C11orf52: variants seen among roughly 807,000 people sequenced by gnomAD.
C11orf52 encodes uncharacterized protein C11orf52.
Under a neutral mutation model 11.7 loss-of-function variants are expected in C11orf52, and 9 were observed. The observed-to-expected ratio is 0.77, with a 90% CI of 0.46 to 1.34. The LOEUF (loss-of-function observed/expected upper bound fraction) is 1.34. Ranked by LOEUF, C11orf52 falls within the 40% of genes most tolerant of loss-of-function variation. C11orf52 has a pLI of 0.00. For missense variants in C11orf52, 139 were observed against 154.8 expected, an observed-to-expected ratio of 0.90 and a Z score of 0.54; for synonymous variants, 49 against 57.4, an observed-to-expected ratio of 0.85 and a Z score of 0.66.
At chr11:111,919,157 C>G (rs917935753) in intron 1 of C11orf52, 153 bp downstream of exon 1, 16 of 860,150 alleles carry the variant, frequency 1.9e-5, no homozygotes, top group Non-Finnish European at 2.4e-5. Context: ...CAGAGCAGCA[C>G]CTCCTTTCAG....
chr11:111,924,530 C>T (rs782615174), intron 2 of C11orf52, among the ~76,000 whole-genome samples, 167 bp downstream of exon 2: 2 of 152,210 alleles, frequency 1.3e-5, no homozygotes. Context: ...TTCTGAACCT[C>T]TGGATCTTAT....
Position 111,924,287 on chromosome 11 carries a change from G to A in C11orf52, c.33-39G>A, listed in dbSNP as rs782592392. The A allele has an allele frequency of 3.1e-6, 5 of 1,604,360 alleles. No individual in the cohort carries two copies. In the Admixed American group the frequency reaches 6.7e-5, roughly 22 times the overall value. ...GATGATGGAGGGAAGGCAGAGGCCAGGGCTCTTGCACATGGGTGATCTGTT... is the reference window on the plus strand; with the variant it reads ...GATGATGGAGGGAAGGCAGAGGCCAAGGCTCTTGCACATGGGTGATCTGTT... On this transcript the variant is annotated intron_variant, in intron 1 of 3. Coordinates refer to ENST00000278601, the MANE Select transcript of C11orf52 (RefSeq NM_080659.3).
At chr11:111,924,198 T>G in intron 1 of C11orf52, 128 bp from the exon 2 acceptor site, 1 of 852,196 alleles carries the variant, frequency 1.2e-6, no homozygotes, top group Non-Finnish European at 1.9e-6. Flanking sequence ...TGGCTCAGGG[T>G]GAATCTTTGT....
intron 1 of C11orf52, among the ~76,000 whole-genome samples, chr11:111,919,980 G>A (rs895398725): frequency 6.6e-6 from 1 of 151,928 alleles, no homozygotes; most frequent in African/African-American, 2.4e-5. Flanking sequence ...TGGATCACGA[G>A]GTCAGGAGAT....
In C11orf52 at chr11:111,925,975, G is replaced by C. The variant is rs201067931; in HGVS notation, c.148G>C (p.Gly50Arg). The C allele has an allele frequency of 6.2e-7, 1 of 1,614,238 alleles. No homozygotes were observed. Among genetic ancestry groups the C allele is most frequent in the Non-Finnish European group, 8.5e-7 (1 of 1,180,048 alleles). ...QNLPKGHETT[G>R]HTYERVLQQQ... ...TTCCTCGCAGGGCCATGAAACAACA[G>C]GACATACGTATGAACGGGTGTTACA... The change falls in exon 4 of 4, where the codon GGA (glycine) becomes CGA (arginine). Residue 50 changes from glycine (G) to arginine (R), a missense_variant. Physicochemically the swap from Gly to Arg is moderately radical, Grantham distance 125. Coordinates refer to ENST00000278601, the MANE Select transcript of C11orf52 (RefSeq NM_080659.3).
chr11:111,925,413 T>TG (rs11384304), intron 2 of C11orf52, among the ~76,000 whole-genome samples: 74,632 of 151,928 alleles, frequency 0.49, 20,826 homozygotes, highest in African/African-American at 0.77. Flanking sequence ...CTTGTTGAAC[T>TG]TGTTAGGGGC....
At chr11:111,923,062 T>C (rs1965725860) in intron 1 of C11orf52, among the ~76,000 whole-genome samples, 1 of 152,232 alleles carries the variant, frequency 6.6e-6, no homozygotes. Context: ...CCCTAGTCTA[T>C]GTATTTTAGG....
intron 1 of C11orf52, among the ~76,000 whole-genome samples, chr11:111,924,069 T>C (rs927570686): frequency 2.0e-5 from 3 of 152,242 alleles, no homozygotes; most frequent in Non-Finnish European, 4.4e-5. Flanking sequence ...TGGCATGTAG[T>C]GCCTGGTTGC....
chr11:111,926,254 C>T lies in C11orf52; in HGVS notation c.*55C>T. The T allele has an allele frequency of 6.3e-7, 1 of 1,597,328 alleles. No homozygotes were observed. The highest frequency in any genetic ancestry group is 2.2e-5 in the East Asian group (1 of 44,564). On this transcript the variant is annotated 3_prime_UTR_variant, in exon 4 of 4. Transcript: ENST00000278601. ...TAACCACTACACCTGTGGGGGAGAA[C>T]CTACTGCTTTGGGGAATTGGGTGGC...
In C11orf52 at chr11:111,922,952, C is replaced by T. The variant is rs1037730311; in HGVS notation, c.33-1374C>T. On this transcript the variant is annotated intron_variant, in intron 1 of 3. Coordinates refer to ENST00000278601, the MANE Select transcript of C11orf52 (RefSeq NM_080659.3). ...CTTAAATCTAAAAATAAAATCCCATCGCCTGTGTATCTAAATGAATACTCA... is the reference window on the plus strand; with the variant it reads ...CTTAAATCTAAAAATAAAATCCCATTGCCTGTGTATCTAAATGAATACTCA... Among the ~76,000 whole-genome samples the T allele has an allele frequency of 5.9e-5, 9 of 152,274 alleles. No individual in the cohort carries two copies. The East Asian group carries it at 1.7e-3, about 29-fold the overall frequency.
rs748322396 is a variant in C11orf52, at chr11:111,924,213, G to T, written c.33-113G>T. On this transcript the variant is annotated intron_variant, in intron 1 of 3. Coordinates refer to ENST00000278601, the MANE Select transcript of C11orf52 (RefSeq NM_080659.3). ...TGGCTCAGGGTGAATCTTTGTTAGA[G>T]GGAGGTAGGGGAAGCTCATCAGAAT... 1.0e-3 allele frequency: 989 copies of T among 977,654 alleles called. 7 individuals carry two copies. Among genetic ancestry groups the T allele is most frequent in the Non-Finnish European group, 1.2e-3 (782 of 639,174 alleles). 60.6% of individuals were successfully genotyped at this position (977,654 alleles called of 1,614,324 possible).
chr11:111,920,022 C>T (rs1379074716), intron 1 of C11orf52, among the ~76,000 whole-genome samples: 3 of 151,852 alleles, frequency 2.0e-5, no homozygotes, highest in Non-Finnish European at 4.4e-5. Flanking sequence ...GGTGAAACCC[C>T]ATCTCTACTG....
In C11orf52 at chr11:111,926,526, AAGTT is replaced by A. The variant is rs782694309; in HGVS notation, c.*330_*333del. On this transcript the variant is annotated 3_prime_UTR_variant, in exon 4 of 4. Coordinates refer to ENST00000278601, the MANE Select transcript of C11orf52 (RefSeq NM_080659.3). Reference sequence around the variant, plus strand: ...GCAAAGTGCAGAAAGAGCAGGTAAAAAGTTAGCCCATAAGCACGTGGGCTGATCT... The same window carrying A: ...GCAAAGTGCAGAAAGAGCAGGTAAAAAGCCCATAAGCACGTGGGCTGATCT... 10 of 364,054 alleles carry A rather than the reference AAGTT, an allele frequency of 2.7e-5. No homozygotes were observed. Among genetic ancestry groups the A allele is most frequent in the Non-Finnish European group, 5.1e-5 (10 of 196,244 alleles). The allele number at this position is 364,054 out of a possible 1,614,324, so 22.6% of individuals were successfully genotyped here.
intron 2 of C11orf52, 76 bp downstream of exon 2, chr11:111,924,439 G>A: frequency 7.8e-7 from 1 of 1,281,404 alleles, no homozygotes; most frequent in Admixed American, 1.8e-5. Context: ...CTTTGGAAAG[G>A]GCAGAAGGGT....
chr11:111,919,085 A>T (rs1965645046), intron 1 of C11orf52, 81 bp downstream of exon 1: 1 of 1,519,252 alleles, frequency 6.6e-7, no homozygotes, highest in African/African-American at 1.4e-5. Flanking sequence ...GGACCTGGAG[A>T]TAGTTGTCTG....
intron 1 of C11orf52, among the ~76,000 whole-genome samples, chr11:111,921,628 G>C (rs908616353): frequency 6.6e-6 from 1 of 152,168 alleles, no homozygotes; most frequent in Non-Finnish European, 1.5e-5. Context: ...TTCTAGAGAA[G>C]GAGATGTAAC....
chr11:111,924,144 T>A (rs1057497046), intron 1 of C11orf52, 182 bp from the exon 2 acceptor site: 3 of 605,594 alleles, frequency 5.0e-6, no homozygotes, highest in Non-Finnish European at 8.8e-6. Context: ...ACCATCCATG[T>A]GGGAGAGGTG....
chr11:111,923,581 T>C (rs1965735573), intron 1 of C11orf52: 1 of 152,156 alleles, frequency 6.6e-6, no homozygotes, highest in Admixed American at 6.5e-5. Context: ...CAGTGTTGTC[T>C]CTCTGGCATC....
chr11:111,922,557 A>T (rs1555166625), intron 1 of C11orf52, among the ~76,000 whole-genome samples: 2 of 152,194 alleles, frequency 1.3e-5, no homozygotes, highest in African/African-American at 4.8e-5. Flanking sequence ...AAATGTGCAC[A>T]GTTTTTATTC....
Sources: gnomAD v4.1 joint callset for allele counts (sites outside exome capture counted in the v4.1 genomes callset) on GRCh38, gnomAD v4.1.1 for gene constraint, MANE v1.5 for transcripts, NCBI Gene and HGNC (gene_info 2026-07-23, HGNC 2026-07-21) for gene names.